The following CDH13 variants were observed in gnomAD, a reference collection of about 807,000 sequenced individuals.
The protein encoded by CDH13 is cadherin-13.
In CDH13, 24 loss-of-function variants were observed where a neutral mutation model predicts 63.8. The ratio of observed to expected loss-of-function variants is 0.38; its 90% CI spans 0.27 to 0.53. CDH13 has a LOEUF of 0.53. Among genes scored for constraint, CDH13 ranks in the 20% least tolerant of loss-of-function variants. The pLI, the probability that CDH13 is intolerant of heterozygous loss-of-function variation, is 0.85. For missense variants in CDH13, 1,049 were observed against 903.1 expected, an observed-to-expected ratio of 1.16 and a Z score of -2.07; for synonymous variants, 503 against 355.3, an observed-to-expected ratio of 1.42 and a Z score of -4.67.
rs553648373 is a variant in CDH13 at position 83,119,131 on chromosome 16, G to A, written c.367-6254G>A. ...CTCCGTGATTTTGGAGGAGACCTCT[G>A]CCTTGTGTAACGTGGCTGTGCACTG... On this transcript the variant is annotated intron_variant, in intron 3 of 13. Coordinates refer to ENST00000567109, the MANE Select transcript of CDH13 (RefSeq NM_001257.5). Among the ~76,000 whole-genome samples the A allele has an allele frequency of 2.6e-5, 4 of 152,268 alleles. No homozygotes were observed. In the East Asian group the frequency reaches 7.7e-4, roughly 29 times the overall value.
At chr16:82,734,619 G>A (rs2033575929) in intron 1 of CDH13, among the ~76,000 whole-genome samples, 2 of 152,174 alleles carry the variant, frequency 1.3e-5, no homozygotes, top group Admixed American at 6.5e-5. Flanking sequence ...AGCATTCAGG[G>A]CCAACACCTA....
intron 3 of CDH13, among the ~76,000 whole-genome samples, chr16:83,071,775 G>C (rs1230029579): frequency 6.6e-6 from 1 of 152,110 alleles, no homozygotes; most frequent in Non-Finnish European, 1.5e-5. Flanking sequence ...AGCATATATA[G>C]GTGCATATAT....
intron 6 of CDH13, among the ~76,000 whole-genome samples, chr16:83,472,207 C>A (rs868716590): frequency 8.5e-5 from 13 of 152,174 alleles, no homozygotes; most frequent in Non-Finnish European, 1.5e-4. Flanking sequence ...CAGAGTGGAG[C>A]AGCTGTTCAG....
intron 3 of CDH13, among the ~76,000 whole-genome samples, chr16:83,056,912 G>T (rs2151514888): frequency 6.6e-6 from 1 of 152,216 alleles, no homozygotes; most frequent in East Asian, 1.9e-4. Context: ...ATGATTGTGA[G>T]TCCTCCCCGG....
intron 7 of CDH13, among the ~76,000 whole-genome samples, chr16:83,495,953 G>T (rs1030184570): frequency 2.0e-5 from 3 of 151,616 alleles, no homozygotes; most frequent in African/African-American, 7.3e-5. Context: ...AACTGACAAG[G>T]GATGTGAAGG....
intron 6 of CDH13, among the ~76,000 whole-genome samples, chr16:83,351,068 G>T (rs544413555): frequency 2.6e-5 from 4 of 152,198 alleles, no homozygotes; most frequent in Non-Finnish European, 5.9e-5. Flanking sequence ...TAGCTCAGCC[G>T]ATGGTGTTCA....
intron 10 of CDH13, among the ~76,000 whole-genome samples, chr16:83,697,782 G>A (rs933425972): frequency 6.6e-6 from 1 of 152,166 alleles, no homozygotes; most frequent in Non-Finnish European, 1.5e-5. Flanking sequence ...TGAGTAGCTG[G>A]GATTACAGGC....
At position 83,280,248 on chromosome 16, in the gene CDH13, C is replaced by T. The variant is rs188447265; in HGVS notation, c.636+62751C>T. Among the ~76,000 whole-genome samples, 36 of 152,250 alleles carry T rather than the reference C, an allele frequency of 2.4e-4. No homozygotes were observed. The East Asian group carries it at 4.8e-3, about 20-fold the overall frequency. ...TTCTCAAACCCTGCTGCTGCTTTGT[C>T]GACTAAATTTCTGTAATATTCTAAA... On this transcript the variant is annotated intron_variant, in intron 5 of 13. Coordinates refer to ENST00000567109, the MANE Select transcript of CDH13 (RefSeq NM_001257.5).
intron 8 of CDH13, among the ~76,000 whole-genome samples, chr16:83,661,233 T>C (rs185558957): frequency 6.6e-6 from 1 of 152,296 alleles, no homozygotes; most frequent in Admixed American, 6.5e-5. Context: ...ACACCTATAA[T>C]TGCAGCACTT....
intron 6 of CDH13, among the ~76,000 whole-genome samples, chr16:83,429,725 A>G (rs1051155982): frequency 1.1e-4 from 16 of 152,162 alleles, no homozygotes; most frequent in African/African-American, 3.9e-4. Flanking sequence ...TTTGTAAAAT[A>G]CCTTTATAAT....
At chr16:82,781,076 AT>A (rs532375514) in intron 1 of CDH13, among the ~76,000 whole-genome samples, 5 of 152,068 alleles carry the variant, frequency 3.3e-5, no homozygotes, top group African/African-American at 7.2e-5. Flanking sequence ...CTAGGCATTG[AT>A]TTTTTTTAAG....
At chr16:82,725,720 T>G (rs1013833505) in intron 1 of CDH13, among the ~76,000 whole-genome samples, 3 of 152,188 alleles carry the variant, frequency 2.0e-5, no homozygotes, top group Admixed American at 1.3e-4. Context: ...AATGCTGACT[T>G]GTAAACTGAT....
At chr16:83,348,759 T>C (rs1253751260) in intron 6 of CDH13, among the ~76,000 whole-genome samples, 1 of 152,194 alleles carries the variant, frequency 6.6e-6, no homozygotes, top group Non-Finnish European at 1.5e-5. Context: ...GGGGATAGAA[T>C]ATAACAGTAG....
chr16:82,831,040 C>A (rs945577916), intron 1 of CDH13, among the ~76,000 whole-genome samples: 35 of 152,126 alleles, frequency 2.3e-4, no homozygotes, highest in African/African-American at 7.5e-4. Flanking sequence ...CCTTTATTCT[C>A]TAGAGTGCTG....
intron 6 of CDH13, among the ~76,000 whole-genome samples, chr16:83,388,854 G>C (rs2091730134): frequency 6.6e-6 from 1 of 152,178 alleles, no homozygotes; most frequent in African/African-American, 2.4e-5. Flanking sequence ...GCTCAGCCCA[G>C]ACCTACTGAA....
At chr16:83,334,122 A>G (rs1176752219) in intron 5 of CDH13, among the ~76,000 whole-genome samples, 3 of 152,072 alleles carry the variant, frequency 2.0e-5, no homozygotes, top group Admixed American at 2.0e-4. Context: ...CAAAGCCAGC[A>G]ACAGCTGTTC....
At chr16:83,490,746 G>T (rs976923716) in intron 7 of CDH13, among the ~76,000 whole-genome samples, 1 of 152,184 alleles carries the variant, frequency 6.6e-6, no homozygotes, top group Admixed American at 6.5e-5. Context: ...GATTCACACT[G>T]GCTTGAAAGC....
intron 2 of CDH13, chr16:82,953,826 A>G (rs1905646659): frequency 6.6e-6 from 1 of 152,186 alleles, no homozygotes; most frequent in African/African-American, 2.4e-5. Context: ...CCAGTCAATT[A>G]TTTGTTTTTA....
At chr16:83,412,134 T>C (rs991556969) in intron 6 of CDH13, among the ~76,000 whole-genome samples, 2 of 152,222 alleles carry the variant, frequency 1.3e-5, no homozygotes, top group African/African-American at 4.8e-5. Context: ...CACCTATGCA[T>C]GTGGAATCAT....
Sources: gnomAD v4.1 joint callset for allele counts (sites outside exome capture counted in the v4.1 genomes callset) on GRCh38, gnomAD v4.1.1 for gene constraint, MANE v1.5 for transcripts, NCBI Gene and HGNC (gene_info 2026-07-23, HGNC 2026-07-21) for gene names.